Variants in TMEM263 observed in about 807,000 individuals in gnomAD.
TMEM263 encodes UPF0444 transmembrane protein C12orf23.
Under a neutral mutation model 8.6 loss-of-function variants are expected in TMEM263, and 5 were observed. The observed-to-expected ratio is 0.58, with a 90% CI of 0.31 to 1.23. The LOEUF (loss-of-function observed/expected upper bound fraction) is 1.23, where lower values mean the gene tolerates loss of function less well. Ranked by LOEUF, TMEM263 falls within the 50% of genes most tolerant of loss-of-function variation. TMEM263 has a pLI of 0.07. For missense variants in TMEM263, 104 were observed against 138.8 expected, an observed-to-expected ratio of 0.75 and a Z score of 1.26; for synonymous variants, 50 against 47.9, an observed-to-expected ratio of 1.04 and a Z score of -0.18.
intron 3 of TMEM263, 106 bp downstream of exon 3, chr12:106,967,286 C>A (rs374603711): frequency 8.2e-6 from 6 of 731,712 alleles, no homozygotes; most frequent in Non-Finnish European, 1.3e-5. Flanking sequence ...GAGACAGAGT[C>A]TTACTCTGTC....
At chr12:106,958,663 C>A (rs1951731116) in intron 2 of TMEM263, among the ~76,000 whole-genome samples, 1 of 152,216 alleles carries the variant, frequency 6.6e-6, no homozygotes, top group South Asian at 2.1e-4. Flanking sequence ...ATAGTTTATT[C>A]ACACTTCAGG....
chr12:106,966,735 A>G (rs999065649), intron 2 of TMEM263, among the ~76,000 whole-genome samples: 14 of 152,182 alleles, frequency 9.2e-5, no homozygotes, highest in African/African-American at 2.4e-4. Flanking sequence ...ATAAATTACA[A>G]TTAAATTAAC....
intron 2 of TMEM263, among the ~76,000 whole-genome samples, chr12:106,961,069 G>T (rs1240170699): frequency 1.3e-5 from 2 of 151,258 alleles, no homozygotes; most frequent in Non-Finnish European, 2.9e-5. Flanking sequence ...CTGTCCTATC[G>T]TTTGAGACAG....
At chr12:106,962,428 C>T (rs1240958340) in intron 2 of TMEM263, among the ~76,000 whole-genome samples, 2 of 152,180 alleles carry the variant, frequency 1.3e-5, no homozygotes, top group Non-Finnish European at 2.9e-5. Context: ...TCCTCTCTTG[C>T]GTTCCATGAG....
At chr12:106,967,818 C>A (rs1951866051) in intron 3 of TMEM263, among the ~76,000 whole-genome samples, 2 of 152,066 alleles carry the variant, frequency 1.3e-5, no homozygotes, top group South Asian at 4.2e-4. Context: ...GTTTTGATAT[C>A]CTGCATACAA....
At chr12:106,961,224 ATTTTTTTTTTTTTTTTTTTTT>A (rs554707654) in intron 2 of TMEM263, among the ~76,000 whole-genome samples, 11 of 75,116 alleles carry the variant, frequency 1.5e-4, no homozygotes, top group Admixed American at 9.5e-4. Context: ...TGCCCAGTCA[ATTTTTTTTTTTTTTTTTTTTT>A]TTTTTTTTTT....
Position 106,971,453 on chromosome 12 carries a change from T to G in TMEM263, c.*62T>G. ...TGCCAGTGGCATTGAATTGCTAAAT[T>G]ATGGACTACAACCAAGTCAACTGTT... is the stretch of plus-strand genomic sequence containing the variant. On this transcript the variant is annotated 3_prime_UTR_variant, in exon 4 of 4. Transcript: ENST00000280756. 2 of 1,485,148 alleles carry G rather than the reference T, an allele frequency of 1.3e-6. No individual in the cohort carries two copies. The highest frequency in any genetic ancestry group is 1.8e-6 in the Non-Finnish European group (2 of 1,105,172). 92.0% of individuals were successfully genotyped at this position (1,485,148 alleles called of 1,614,324 possible).
At chr12:106,967,764 G>A (rs1420176959) in intron 3 of TMEM263, among the ~76,000 whole-genome samples, 1 of 152,108 alleles carries the variant, frequency 6.6e-6, no homozygotes, top group African/African-American at 2.4e-5. Flanking sequence ...CCTTTCATTT[G>A]TAAAGGGTGA....
chr12:106,956,467 C>T (rs1279663204), intron 1 of TMEM263, among the ~76,000 whole-genome samples: 1 of 152,186 alleles, frequency 6.6e-6, no homozygotes, highest in East Asian at 1.9e-4. Flanking sequence ...TGACCTGTTG[C>T]TAAACCTCCC....
intron 2 of TMEM263, among the ~76,000 whole-genome samples, chr12:106,964,155 A>G (rs1284865759): frequency 6.6e-6 from 1 of 152,210 alleles, no homozygotes; most frequent in East Asian, 1.9e-4. Flanking sequence ...AGTGGCTTCA[A>G]AATCATCATT....
At chr12:106,961,541 G>T (rs1286634337) in intron 2 of TMEM263, among the ~76,000 whole-genome samples, 2 of 152,076 alleles carry the variant, frequency 1.3e-5, no homozygotes, top group Non-Finnish European at 2.9e-5. Context: ...AACTGTGCAG[G>T]CCACAGGAGC....
intron 1 of TMEM263, 48 bp downstream of exon 1, chr12:106,956,113 CCCT>C (rs1338898847): frequency 2.1e-6 from 2 of 930,724 alleles, no homozygotes; most frequent in East Asian, 2.3e-4. Flanking sequence ...CGGCTTCCTG[CCCT>C]CCTCCGTCGC....
chr12:106,962,398 T>C (rs995584890), intron 2 of TMEM263, among the ~76,000 whole-genome samples: 6 of 152,242 alleles, frequency 3.9e-5, no homozygotes, highest in African/African-American at 1.4e-4. Flanking sequence ...ATAATGTATG[T>C]CTTTTGGAAG....
Position 106,971,100 on chromosome 12 carries a change from A to G in TMEM263, c.65-5A>G. Reference sequence around the variant, plus strand: ...TGATTGTCTCATGATATTTTCTCTCATTAGGTTCAATGAAAGATCACCCAC... The same window carrying G: ...TGATTGTCTCATGATATTTTCTCTCGTTAGGTTCAATGAAAGATCACCCAC... On this transcript the variant is annotated splice_region_variant and splice_polypyrimidine_tract_variant and intron_variant, in intron 3 of 3. Transcript: ENST00000280756. The G allele has an allele frequency of 6.2e-7, 1 of 1,613,470 alleles. No homozygotes were observed.
chr12:106,971,038 A>G, intron 3 of TMEM263, 67 bp from the exon 4 acceptor site: 2 of 1,528,864 alleles, frequency 1.3e-6, no homozygotes, highest in Admixed American at 1.8e-5. Context: ...TTACTTAATG[A>G]TGTGTACTGC....
intron 2 of TMEM263, among the ~76,000 whole-genome samples, chr12:106,957,696 G>A (rs186526079): frequency 3.3e-4 from 51 of 152,268 alleles, no homozygotes; most frequent in Non-Finnish European, 2.9e-4. Flanking sequence ...GTTTAATAGA[G>A]TATTGTAATT....
intron 2 of TMEM263, among the ~76,000 whole-genome samples, chr12:106,966,267 A>C (rs145214853): frequency 2.5e-4 from 38 of 152,300 alleles, no homozygotes; most frequent in African/African-American, 8.7e-4. Flanking sequence ...GTGTTAGCTC[A>C]CTTAGGATCA....
Position 106,971,341 on chromosome 12 carries a change from G to A in TMEM263, c.301G>A (p.Val101Ile). ...AGGTGTTACAGCTGTTGGGTCTGCTGTTGTAAACAAAGTGCCCTTAACAGG... is the reference window on the plus strand; with the variant it reads ...AGGTGTTACAGCTGTTGGGTCTGCTATTGTAAACAAAGTGCCCTTAACAGG... ...AGGVTAVGSAVVNKVPLTGKK... is the reference protein window; with the variant it reads ...AGGVTAVGSAIVNKVPLTGKK... The change falls in exon 4 of 4, where the codon GTT (valine) becomes ATT (isoleucine). Residue 101 changes from valine to isoleucine, a missense_variant. Physicochemically the swap from Val to Ile is conservative, Grantham distance 29. Coordinates refer to ENST00000280756, the MANE Select transcript of TMEM263 (RefSeq NM_152261.4). 6.2e-7 allele frequency: 1 copy of A among 1,613,890 alleles called. No homozygotes were observed. Among genetic ancestry groups the A allele is most frequent in the Non-Finnish European group, 8.5e-7 (1 of 1,179,870 alleles).
At position 106,955,940 on chromosome 12, in the gene TMEM263, C is replaced by T; in HGVS notation, c.-200C>T. ...CCAGCTCCACATCCTGAGAGGACGCCTCTGGAGCCGCGACTGCCCGGGGTT... is the reference window on the plus strand; with the variant it reads ...CCAGCTCCACATCCTGAGAGGACGCTTCTGGAGCCGCGACTGCCCGGGGTT... On this transcript the variant is annotated 5_prime_UTR_variant, in exon 1 of 4. Transcript: ENST00000280756. 1 of 985,460 alleles carries T rather than the reference C, an allele frequency of 1.0e-6. No individual in the cohort carries two copies. Among genetic ancestry groups the T allele is most frequent in the South Asian group, 4.7e-5 (1 of 21,290 alleles). The allele number at this position is 985,460 out of a possible 1,614,324, so 61.0% of individuals were successfully genotyped here.
Sources: allele counts gnomAD v4.1 joint callset (sites outside exome capture counted in the v4.1 genomes callset), GRCh38; gene constraint gnomAD v4.1.1; transcripts MANE v1.5; gene names NCBI Gene and HGNC (gene_info 2026-07-23, HGNC 2026-07-21).